The following PCLO variants were observed in gnomAD, a reference collection of about 807,000 sequenced individuals.
PCLO encodes protein piccolo.
PCLO carries 82 observed loss-of-function variants against 427.5 expected under a neutral mutation model. The ratio of observed to expected loss-of-function variants is 0.19; its 90% CI spans 0.16 to 0.23. The LOEUF is 0.23. Ranked by LOEUF, PCLO falls within the 10% of genes least tolerant of loss-of-function variation. PCLO has a pLI of 1.00. For missense variants in PCLO, 6,239 were observed against 6,115.9 expected (o/e 1.02, Z -0.67); for synonymous variants, 2,357 against 2,155.4 (o/e 1.09, Z -2.59).
chr7:82,981,028 T>A (rs536463528), intron 3 of PCLO, among the ~76,000 whole-genome samples: 7 of 152,212 alleles, frequency 4.6e-5, no homozygotes, highest in Middle Eastern at 3.4e-3. Context: ...GAGTCTATAG[T>A]TAAAGACCTA....
Position 82,869,014 on chromosome 7 carries a change from C to G in PCLO, c.13654+10323G>C, listed in dbSNP as rs147316824. Reference sequence around the variant, plus strand: ...AATTGCTGAAGTTTTAAAAGTATCACGATGGTAATGTATTTCACAATTATG... The same window carrying G: ...AATTGCTGAAGTTTTAAAAGTATCAGGATGGTAATGTATTTCACAATTATG... On this transcript the variant is annotated intron_variant, in intron 10 of 24. Coordinates refer to ENST00000333891, the MANE Select transcript of PCLO (RefSeq NM_033026.6). Among the ~76,000 whole-genome samples, 1,125 of 152,014 alleles carry G rather than the reference C, an allele frequency of 7.4e-3. 18 individuals carry two copies. Among genetic ancestry groups the G allele is most frequent in the African/African-American group, 0.025 (1,051 of 41,488 alleles).
At chr7:82,882,047 T>C (rs1385420934) in intron 9 of PCLO, among the ~76,000 whole-genome samples, 1 of 152,136 alleles carries the variant, frequency 6.6e-6, no homozygotes, top group Non-Finnish European at 1.5e-5. Context: ...ATAACATTTG[T>C]TTGTTTATTT....
intron 22 of PCLO, among the ~76,000 whole-genome samples, chr7:82,783,758 A>C (rs1790925833): frequency 6.6e-6 from 1 of 152,096 alleles, no homozygotes; most frequent in Admixed American, 6.5e-5. Context: ...TATCATAAGA[A>C]CTCATGCAAT....
At chr7:82,901,159 G>A (rs986252170) in intron 9 of PCLO, among the ~76,000 whole-genome samples, 6 of 151,870 alleles carry the variant, frequency 4.0e-5, no homozygotes, top group Non-Finnish European at 7.4e-5. Flanking sequence ...AATGATGCAA[G>A]TATGTACCAT....
chr7:82,952,020 C>A lies in PCLO; in HGVS notation c.8933G>T (p.Arg2978Leu), dbSNP rs778228072. Residue 2978 changes from arginine to leucine, a missense_variant, in exon 5 of 25, where the codon CGA (arginine) becomes CTA (leucine). Coordinates refer to ENST00000333891, the MANE Select transcript of PCLO (RefSeq NM_033026.6). ...GYRDDHYQYD[R>L]SGPYGYRGIG... ...CCCTCTATAACCATATGGCCCTGAT[C>A]GATCATACTGATAGTGGTCATCCCT... 1.9e-6 allele frequency: 3 copies of A among 1,613,770 alleles called. No individual in the cohort carries two copies. The African/African-American group carries it at 4.0e-5, about 22-fold the overall frequency.
At chr7:82,878,652 T>G (rs561840316) in intron 10 of PCLO, among the ~76,000 whole-genome samples, 26 of 152,302 alleles carry the variant, frequency 1.7e-4, no homozygotes, top group Admixed American at 1.2e-3. Context: ...TGGCCCATTA[T>G]CTCCTACTCT....
intron 3 of PCLO, among the ~76,000 whole-genome samples, chr7:83,000,918 G>C (rs1787807724): frequency 2.0e-5 from 3 of 151,998 alleles, no homozygotes; most frequent in Admixed American, 1.3e-4. Flanking sequence ...ATAGGTTACT[G>C]TCAATTCATT....
chr7:82,777,376 T>C lies in PCLO; in HGVS notation c.15008-15883A>G, dbSNP rs1323855260. Among the ~76,000 whole-genome samples the C allele has an allele frequency of 4.6e-5, 7 of 152,052 alleles. No homozygotes were observed. In the South Asian group the frequency reaches 8.3e-4, roughly 18 times the overall value. Reference sequence around the variant, plus strand: ...GCCATTCCTATCAAAACACCAATGATATTCTTCAGAGAACTAGAAAAAAAT... The same window carrying C: ...GCCATTCCTATCAAAACACCAATGACATTCTTCAGAGAACTAGAAAAAAAT... On this transcript the variant is annotated intron_variant, in intron 22 of 24. Transcript: ENST00000333891.
intron 22 of PCLO, among the ~76,000 whole-genome samples, chr7:82,763,019 C>A (rs1056200000): frequency 2.0e-5 from 3 of 152,128 alleles, no homozygotes; most frequent in Admixed American, 6.6e-5. Flanking sequence ...TGGCTCACTG[C>A]AGCCTCAGAC....
At chr7:82,933,790 T>C (rs1584176713) in intron 6 of PCLO, among the ~76,000 whole-genome samples, 1 of 152,140 alleles carries the variant, frequency 6.6e-6, no homozygotes, top group East Asian at 1.9e-4. Flanking sequence ...TCCTTTGATC[T>C]TTCTATGATT....
At position 82,910,142 on chromosome 7, in the gene PCLO, T is replaced by C. The variant is rs533914550; in HGVS notation, c.13301-1129A>G. Among the ~76,000 whole-genome samples the C allele has an allele frequency of 3.5e-5, 5 of 141,876 alleles. No homozygotes were observed. In the East Asian group the frequency reaches 1.6e-3, roughly 44 times the overall value. 93.1% of individuals were successfully genotyped at this position (141,876 alleles called of 152,430 possible). ...ACTAGAAGGAACAAGGCTCCTCAAG[T>C]GCTTATCCTTTAAAGATTTGTTGAT... On this transcript the variant is annotated intron_variant, in intron 7 of 24. Coordinates refer to ENST00000333891, the MANE Select transcript of PCLO (RefSeq NM_033026.6).
At position 82,824,223 on chromosome 7, in the gene PCLO, A is replaced by G; in HGVS notation, c.14596+13T>C. On this transcript the variant is annotated intron_variant, in intron 19 of 24. Coordinates refer to ENST00000333891, the MANE Select transcript of PCLO (RefSeq NM_033026.6). ...GACACAAAACTTTTTCTACTTAAAA[A>G]AATATTTCCTACCCTTTGATGGGTC... 6.4e-7 allele frequency: 1 copy of G among 1,573,184 alleles called. No homozygotes were observed. The highest frequency in any genetic ancestry group is 8.6e-7 in the Non-Finnish European group (1 of 1,160,098).
At chr7:82,880,669 C>T (rs1793484698) in intron 9 of PCLO, among the ~76,000 whole-genome samples, 1 of 152,098 alleles carries the variant, frequency 6.6e-6, no homozygotes, top group African/African-American at 2.4e-5. Flanking sequence ...AGGGATGTTG[C>T]TAAACATCCT....
At chr7:82,895,246 G>T (rs1793873463) in intron 9 of PCLO, among the ~76,000 whole-genome samples, 1 of 151,450 alleles carries the variant, frequency 6.6e-6, no homozygotes, top group African/African-American at 2.4e-5. Flanking sequence ...ATAGGTAAGA[G>T]AAAAAATTAC....
intron 2 of PCLO, among the ~76,000 whole-genome samples, chr7:83,154,409 G>A (rs1792212989): frequency 6.6e-6 from 1 of 152,084 alleles, no homozygotes; most frequent in South Asian, 2.1e-4. Context: ...AATTTTGATA[G>A]GTAGGAACAC....
chr7:82,955,399 G>A lies in PCLO; in HGVS notation c.5554C>T (p.His1852Tyr). 6.2e-7 allele frequency: 1 copy of A among 1,613,806 alleles called. No individual in the cohort carries two copies. Among genetic ancestry groups the A allele is most frequent in the South Asian group, 1.1e-5 (1 of 91,054 alleles). ...LRQAAEMEEL[H>Y]RSSCSEYSPS... ...GAATATTCAGAACAAGAAGATCTATGGAGCTCCTCCATTTCTGCAGCCTGA... is the reference window on the plus strand; with the variant it reads ...GAATATTCAGAACAAGAAGATCTATAGAGCTCCTCCATTTCTGCAGCCTGA... The change falls in exon 5 of 25, where the codon CAT becomes TAT. Residue 1852 changes from histidine to tyrosine, a missense_variant. Around this residue, in one of 5 missense-constraint regions of PCLO, gnomAD observed 4,677 missense variants for 4,468.4 expected, o/e 1.05. Transcript: ENST00000333891.
intron 3 of PCLO, among the ~76,000 whole-genome samples, chr7:83,038,061 ATATT>A (rs556926657): frequency 1.8e-4 from 8 of 44,938 alleles, no homozygotes; most frequent in African/African-American, 6.6e-4. Context: ...CTTTATATAT[ATATT>A]TATATATTTA....
At chr7:82,799,807 G>A (rs1045564481) in intron 22 of PCLO, among the ~76,000 whole-genome samples, 3 of 151,974 alleles carry the variant, frequency 2.0e-5, no homozygotes, top group African/African-American at 2.4e-5. Flanking sequence ...TCCTGGTTTC[G>A]GCTCTCGCTG....
At chr7:82,872,500 A>C (rs1020895993) in intron 10 of PCLO, among the ~76,000 whole-genome samples, 8 of 152,120 alleles carry the variant, frequency 5.3e-5, no homozygotes, top group Admixed American at 1.3e-4. Flanking sequence ...TGACAAATGT[A>C]AAAACAGTAT....
Sources: allele counts gnomAD v4.1 joint callset (sites outside exome capture counted in the v4.1 genomes callset), GRCh38; gene constraint gnomAD v4.1.1; regional missense constraint gnomAD v4.1.1; transcripts MANE v1.5; gene names NCBI Gene and HGNC (gene_info 2026-07-23, HGNC 2026-07-21).